The following CACNA2D2 variants were observed in gnomAD, a reference collection of about 807,000 sequenced individuals.
CACNA2D2 encodes voltage-dependent calcium channel subunit alpha-2/delta-2.
A neutral mutation model predicts 166.4 loss-of-function variants in CACNA2D2; 48 were observed. The observed-to-expected ratio is 0.29, with a 90% CI of 0.23 to 0.37. The LOEUF is 0.37. Among genes scored for constraint, CACNA2D2 ranks in the 10% least tolerant of loss-of-function variants. The probability of loss-of-function intolerance (pLI) is 1.00; values close to 1 mark genes in which losing one functional copy is unlikely to be tolerated. For missense variants in CACNA2D2, 1,122 were observed against 1,433.0 expected (o/e 0.78, Z 3.50); for synonymous variants, 561 against 573.7 (o/e 0.98, Z 0.32).
chr3:50,434,737 G>T (rs752685675), intron 2 of CACNA2D2, among the ~76,000 whole-genome samples: 6 of 152,216 alleles, frequency 3.9e-5, no homozygotes, highest in Non-Finnish European at 5.9e-5. Context: ...GTCATGAGCA[G>T]CCCTGCCCCC....
chr3:50,395,219 G>A (rs1706091040), intron 3 of CACNA2D2, among the ~76,000 whole-genome samples: 1 of 152,216 alleles, frequency 6.6e-6, no homozygotes, highest in South Asian at 2.1e-4. Context: ...CTCATGTGCT[G>A]TGCACCTTGT....
At chr3:50,487,583 T>C (rs975399560) in intron 1 of CACNA2D2, among the ~76,000 whole-genome samples, 5 of 152,192 alleles carry the variant, frequency 3.3e-5, no homozygotes, top group Non-Finnish European at 7.4e-5. Flanking sequence ...TGCTCTGTGG[T>C]GACTCCTTTA....
intron 2 of CACNA2D2, among the ~76,000 whole-genome samples, chr3:50,441,880 G>C (rs148025966): frequency 6.6e-6 from 1 of 152,196 alleles, no homozygotes; most frequent in African/African-American, 2.4e-5. Context: ...ATCCAGCTCG[G>C]AAGTGGGAGG....
Position 50,365,153 on chromosome 3 carries a change from T to G in CACNA2D2, c.3130A>C (p.Asn1044His), listed in dbSNP as rs1039069044. 1 of 1,612,064 alleles carries G rather than the reference T, an allele frequency of 6.2e-7. No homozygotes were observed. Among genetic ancestry groups the G allele is most frequent in the South Asian group, 1.1e-5 (1 of 91,072 alleles). Residue 1044 changes from asparagine to histidine, a missense_variant, in exon 36 of 38, where the codon AAT (asparagine) becomes CAT (histidine). Coordinates refer to ENST00000424201, the MANE Select transcript of CACNA2D2 (RefSeq NM_006030.4). This position sits in a 1 kb window ranked among gnomAD's most constrained non-coding sequence, Gnocchi z 4.5. ...LFHAQRLTNTNLLFVVAEKPL... is the reference protein window; with the variant it reads ...LFHAQRLTNTHLLFVVAEKPL... ...TTCTCGGCCACCACAAAGAGAAGAT[T>G]GGTGTTGGTCAGTCTCTGCGCGTGG...
chr3:50,439,328 A>G (rs1210210046), intron 2 of CACNA2D2, among the ~76,000 whole-genome samples: 1 of 152,240 alleles, frequency 6.6e-6, no homozygotes, highest in African/African-American at 2.4e-5. Context: ...CTGGGAGTCA[A>G]AACAGGCACT....
At chr3:50,476,003 C>A in intron 2 of CACNA2D2, 115 bp downstream of exon 2, 6 of 886,958 alleles carry the variant, frequency 6.8e-6, no homozygotes, top group Non-Finnish European at 1.1e-5. Context: ...CCCATCAGGT[C>A]CCACCACACC....
chr3:50,459,475 C>T lies in CACNA2D2; in HGVS notation c.288+16643G>A, dbSNP rs555323756. On this transcript the variant is annotated intron_variant, in intron 2 of 37. Transcript: ENST00000424201. ...GTGGTGGGGATGCATCAGCCCAGGG[C>T]ACTCCTCCCACCCCATGGTGCCCTG... Among the ~76,000 whole-genome samples, 7 of 152,244 alleles carry T rather than the reference C, an allele frequency of 4.6e-5. No individual in the cohort carries two copies. The South Asian group carries it at 6.2e-4, about 14-fold the overall frequency.
At chr3:50,395,295 G>A (rs1198746346) in intron 3 of CACNA2D2, among the ~76,000 whole-genome samples, 3 of 152,188 alleles carry the variant, frequency 2.0e-5, no homozygotes, top group Non-Finnish European at 2.9e-5. Flanking sequence ...GCCAGGCACA[G>A]AGACGGCCAG....
In CACNA2D2 at chr3:50,365,600, G is replaced by T; in HGVS notation, c.2971+33C>A. 6.4e-7 allele frequency: 1 copy of T among 1,573,364 alleles called. No homozygotes were observed. Among genetic ancestry groups the T allele is most frequent in the Non-Finnish European group, 8.6e-7 (1 of 1,158,974 alleles). On this transcript the variant is annotated intron_variant, in intron 34 of 37. Transcript: ENST00000424201. The surrounding 1 kb of genome is among the most constrained non-coding windows in gnomAD (Gnocchi z 4.5). Reference sequence around the variant, plus strand: ...CGTCTTAGCTCAGATTGGGGACCCGGACTTGAGGAGGCGCCTCCAAAGCCC... The same window carrying T: ...CGTCTTAGCTCAGATTGGGGACCCGTACTTGAGGAGGCGCCTCCAAAGCCC...
chr3:50,475,712 G>A (rs753293573), intron 2 of CACNA2D2, among the ~76,000 whole-genome samples: 3 of 152,070 alleles, frequency 2.0e-5, no homozygotes, highest in Non-Finnish European at 4.4e-5. Context: ...CTCAAGCACC[G>A]CTTTCGGGCT....
intron 2 of CACNA2D2, among the ~76,000 whole-genome samples, chr3:50,475,711 C>T (rs185334374): frequency 2.3e-4 from 35 of 152,146 alleles, no homozygotes; most frequent in South Asian, 4.1e-4. Flanking sequence ...CCTCAAGCAC[C>T]GCTTTCGGGC....
intron 3 of CACNA2D2, among the ~76,000 whole-genome samples, chr3:50,409,199 A>C (rs1575643264): frequency 6.6e-6 from 1 of 151,546 alleles, no homozygotes; most frequent in Non-Finnish European, 1.5e-5. Flanking sequence ...ATGATAAAAC[A>C]GAGGAACGCT....
intron 22 of CACNA2D2, 56 bp from the exon 23 acceptor site, chr3:50,370,436 GGCTCAGAGCTGAC>G: frequency 1.5e-6 from 1 of 659,330 alleles, no homozygotes. Flanking sequence ...GAGGCCGGGG[GGCTCAGAGCTGAC>G]GGGGCTGGAA....
In CACNA2D2 at chr3:50,380,206, C is replaced by T. The variant is rs41304864; in HGVS notation, c.843-188G>A. On this transcript the variant is annotated intron_variant, in intron 8 of 37. Coordinates refer to ENST00000424201, the MANE Select transcript of CACNA2D2 (RefSeq NM_006030.4). The surrounding 1 kb of genome is among the most constrained non-coding windows in gnomAD (Gnocchi z 4.9). ...AGTCCTTGCCCATGACATGAATGGTCTGGTTCCTCAGCAAGGAAAAAGTAC... is the reference window on the plus strand; with the variant it reads ...AGTCCTTGCCCATGACATGAATGGTTTGGTTCCTCAGCAAGGAAAAAGTAC... Among the ~76,000 whole-genome samples the T allele has an allele frequency of 5.0e-3, 768 of 152,340 alleles. 1 individual carries two copies. The highest frequency in any genetic ancestry group is 7.8e-3 in the Non-Finnish European group (534 of 68,034).
intron 1 of CACNA2D2, 123 bp downstream of exon 1, chr3:50,503,095 A>G: frequency 2.1e-6 from 1 of 469,752 alleles, no homozygotes; most frequent in Non-Finnish European, 3.1e-6. Context: ...CCCCGGGCGC[A>G]GCGGGCAGCC....
chr3:50,389,162 G>T (rs372241000), intron 4 of CACNA2D2, among the ~76,000 whole-genome samples: 3 of 152,186 alleles, frequency 2.0e-5, no homozygotes, highest in African/African-American at 7.2e-5. Context: ...GGCCTGGGGC[G>T]GGGGCGGAGG....
intron 3 of CACNA2D2, among the ~76,000 whole-genome samples, chr3:50,395,172 C>T (rs932095259): frequency 9.2e-5 from 14 of 152,322 alleles, no homozygotes; most frequent in African/African-American, 3.4e-4. Context: ...TATCAACTGG[C>T]CACCTACTGC....
intron 3 of CACNA2D2, among the ~76,000 whole-genome samples, chr3:50,417,017 A>G (rs1707296008): frequency 6.6e-6 from 1 of 152,214 alleles, no homozygotes; most frequent in Admixed American, 6.5e-5. Context: ...CTGTGGTTGC[A>G]GACAGGGGAA....
Position 50,367,253 on chromosome 3 carries a change from A to G in CACNA2D2, c.2401+141T>C, listed in dbSNP as rs1203734769. On this transcript the variant is annotated intron_variant, in intron 27 of 37. Coordinates refer to ENST00000424201, the MANE Select transcript of CACNA2D2 (RefSeq NM_006030.4). This position sits in a 1 kb window ranked among gnomAD's most constrained non-coding sequence, Gnocchi z 6.5. ...CTCAGGACAGTGTTTGGCACAGTCT[A>G]TCCCTCTTTTCACGTCTGCCCTGGC... 2 of 991,678 alleles carry G rather than the reference A, an allele frequency of 2.0e-6. No individual in the cohort carries two copies. The highest frequency in any genetic ancestry group is 3.1e-6 in the Non-Finnish European group (2 of 641,622). 61.4% of individuals were successfully genotyped at this position (991,678 alleles called of 1,614,324 possible). A position where few individuals can be genotyped will look rare whatever the true frequency, so the allele number is the denominator to read the frequency against.
Sources: allele counts gnomAD v4.1 joint callset (sites outside exome capture counted in the v4.1 genomes callset), GRCh38; gene constraint gnomAD v4.1.1; non-coding constraint Gnocchi (gnomAD v3.1); transcripts MANE v1.5; gene names NCBI Gene and HGNC (gene_info 2026-07-23, HGNC 2026-07-21).